PPP1R12A: variants seen among roughly 807,000 people sequenced by gnomAD.
PPP1R12A encodes the protein myosin binding subunit.
Under a neutral mutation model 139.6 loss-of-function variants are expected in PPP1R12A, and 19 were observed. The observed-to-expected ratio is 0.14, with a 90% CI of 0.09 to 0.20. The LOEUF is 0.20. Ranked by LOEUF, PPP1R12A falls within the 10% of genes least tolerant of loss-of-function variation. The pLI is 1.00. For synonymous variants in PPP1R12A, 427 were observed against 420.6 expected, an observed-to-expected ratio of 1.02 and a Z score of -0.19; for missense variants, 925 against 1,211.5, an observed-to-expected ratio of 0.76 and a Z score of 3.51.
At chr12:79,901,456 G>A (rs1885634509) in intron 1 of PPP1R12A, among the ~76,000 whole-genome samples, 2 of 151,794 alleles carry the variant, frequency 1.3e-5, no homozygotes, top group African/African-American at 2.4e-5. Flanking sequence ...TTTCTCTGGA[G>A]GTAAAAAAGT....
intron 2 of PPP1R12A, among the ~76,000 whole-genome samples, chr12:79,869,935 A>ATTATTT (rs1011825635): frequency 6.7e-6 from 1 of 150,226 alleles, no homozygotes; most frequent in African/African-American, 2.5e-5. Flanking sequence ...TATTATTATT[A>ATTATTT]TAAGTGCTTT....
At chr12:79,789,572 T>C (rs1304634633) in intron 20 of PPP1R12A, 2 of 439,908 alleles carry the variant, frequency 4.5e-6, no homozygotes, top group Non-Finnish European at 9.0e-6. Context: ...AATTCTCTTA[T>C]TATCTGGTTC....
intron 11 of PPP1R12A, 96 bp from the exon 12 acceptor site, chr12:79,807,426 T>A (rs1413819599): frequency 2.0e-5 from 15 of 739,522 alleles, no homozygotes; most frequent in Non-Finnish European, 3.1e-5. Context: ...CTGAAACTAG[T>A]AAAAACCTTT....
At chr12:79,883,697 G>A (rs1039439985) in intron 1 of PPP1R12A, among the ~76,000 whole-genome samples, 1 of 152,108 alleles carries the variant, frequency 6.6e-6, no homozygotes, top group Non-Finnish European at 1.5e-5. Flanking sequence ...CTGCATTGAG[G>A]TAATAAAACA....
intron 1 of PPP1R12A, among the ~76,000 whole-genome samples, chr12:79,901,755 G>A (rs1885659101): frequency 6.6e-6 from 1 of 152,106 alleles, no homozygotes; most frequent in South Asian, 2.1e-4. Context: ...TGGGTTCACT[G>A]CTAGACAAAT....
At chr12:79,832,541 T>C (rs1211408751) in intron 3 of PPP1R12A, 50 bp from the exon 4 acceptor site, 14 of 1,515,616 alleles carry the variant, frequency 9.2e-6, no homozygotes, top group Non-Finnish European at 1.2e-5. Flanking sequence ...AATTGTTCCA[T>C]GTTGGGAAAT....
At chr12:79,830,793 T>G (rs921599815) in intron 4 of PPP1R12A, among the ~76,000 whole-genome samples, 11 of 152,130 alleles carry the variant, frequency 7.2e-5, no homozygotes, top group Admixed American at 6.6e-4. Flanking sequence ...AATAAAAGCA[T>G]CCAGACAGAA....
intron 3 of PPP1R12A, among the ~76,000 whole-genome samples, chr12:79,843,649 TATAG>T (rs1879039963): frequency 6.7e-6 from 1 of 150,270 alleles, no homozygotes; most frequent in African/African-American, 2.4e-5. Flanking sequence ...TAGATATAGA[TATAG>T]ATATAGATAT....
intron 1 of PPP1R12A, among the ~76,000 whole-genome samples, chr12:79,915,546 A>G (rs1371420139): frequency 6.6e-6 from 1 of 152,156 alleles, no homozygotes; most frequent in Non-Finnish European, 1.5e-5. Flanking sequence ...GCTTGCTGTT[A>G]AACTTCCAAT....
At chr12:79,853,302 A>G (rs969720304) in intron 2 of PPP1R12A, among the ~76,000 whole-genome samples, 2 of 152,146 alleles carry the variant, frequency 1.3e-5, no homozygotes, top group South Asian at 2.1e-4. Flanking sequence ...CTGGGTTATC[A>G]GCTTCTTTAG....
intron 2 of PPP1R12A, chr12:79,849,080 A>T (rs1879744101): frequency 6.6e-6 from 1 of 152,186 alleles, no homozygotes; most frequent in African/African-American, 2.4e-5. Flanking sequence ...TAAAAATAAA[A>T]TTAAAGTACT....
chr12:79,780,275 A>G (rs1023038634), intron 23 of PPP1R12A: 1 of 152,080 alleles, frequency 6.6e-6, no homozygotes, highest in East Asian at 1.9e-4. Context: ...AAATGCATGT[A>G]AAGTGTTTAA....
chr12:79,781,135 T>G (rs1870395640), intron 23 of PPP1R12A, among the ~76,000 whole-genome samples: 2 of 152,146 alleles, frequency 1.3e-5, no homozygotes, highest in South Asian at 4.1e-4. Context: ...TTTGGATCAT[T>G]TATACATTTT....
At chr12:79,903,917 T>C (rs1885870303) in intron 1 of PPP1R12A, among the ~76,000 whole-genome samples, 1 of 152,188 alleles carries the variant, frequency 6.6e-6, no homozygotes, top group Non-Finnish European at 1.5e-5. Context: ...ACATTAGATA[T>C]CTTCCTTGAA....
At chr12:79,907,278 C>G (rs988620208) in intron 1 of PPP1R12A, among the ~76,000 whole-genome samples, 1 of 152,146 alleles carries the variant, frequency 6.6e-6, no homozygotes, top group Non-Finnish European at 1.5e-5. Context: ...TAAAACTCAT[C>G]TGCTCATGAT....
intron 6 of PPP1R12A, among the ~76,000 whole-genome samples, chr12:79,821,665 A>G (rs1455628465): frequency 6.6e-6 from 1 of 151,734 alleles, no homozygotes; most frequent in African/African-American, 2.4e-5. Flanking sequence ...AGGCAGGAGA[A>G]TGGCTCAGAC....
intron 23 of PPP1R12A, chr12:79,779,051 C>T (rs1870091897): frequency 4.0e-6 from 1 of 250,320 alleles, no homozygotes; most frequent in South Asian, 4.9e-5. Context: ...TTCCTCCACT[C>T]ACAATGTGTA....
At chr12:79,860,473 T>C (rs1881194464) in intron 2 of PPP1R12A, among the ~76,000 whole-genome samples, 2 of 152,318 alleles carry the variant, frequency 1.3e-5, no homozygotes, top group South Asian at 4.1e-4. Context: ...TACACTCCAC[T>C]AGATAGTGAT....
chr12:79,857,035 CAGAGGCA>C (rs1880740091), intron 2 of PPP1R12A, among the ~76,000 whole-genome samples: 1 of 152,234 alleles, frequency 6.6e-6, no homozygotes, highest in East Asian at 1.9e-4. Context: ...TCCCAACTCG[CAGAGGCA>C]AAAATTATGC....
Sources: allele counts gnomAD v4.1 joint callset (sites outside exome capture counted in the v4.1 genomes callset), GRCh38; gene constraint gnomAD v4.1.1; transcripts MANE v1.5; gene names NCBI Gene and HGNC (gene_info 2026-07-23, HGNC 2026-07-21).